The following CATSPERE variants were observed in gnomAD, a reference collection of about 807,000 sequenced individuals.
CATSPERE encodes the protein catsper channel auxiliary subunit epsilon, also known as cation channel sperm-associated auxiliary subunit epsilon.
A neutral mutation model predicts 114.1 loss-of-function variants in CATSPERE; 93 were observed. The observed-to-expected ratio is 0.81, with a 90% CI of 0.69 to 0.97. CATSPERE has a LOEUF of 0.97. Among genes scored for constraint, CATSPERE ranks in the 50% least tolerant of loss-of-function variants. The probability of loss-of-function intolerance (pLI) is 0.00; values close to 1 mark genes in which losing one functional copy is unlikely to be tolerated. For synonymous variants in CATSPERE, 341 were observed against 384.1 expected (o/e 0.89, Z 1.31); for missense variants, 1,058 against 1,131.6 (o/e 0.93, Z 0.93).
At chr1:244,596,305 T>G (rs955640799) in intron 17 of CATSPERE, among the ~76,000 whole-genome samples, 3 of 152,150 alleles carry the variant, frequency 2.0e-5, no homozygotes, top group African/African-American at 7.2e-5. Context: ...TATTTATGAG[T>G]AGGTATAAAT....
chr1:244,605,529 A>C (rs547262854), intron 17 of CATSPERE, among the ~76,000 whole-genome samples, 166 bp from the exon 18 acceptor site: 1 of 152,330 alleles, frequency 6.6e-6, no homozygotes, highest in South Asian at 2.1e-4. Context: ...ACAGAAAAAA[A>C]AATCAAGGCT....
At chr1:244,475,657 C>G (rs1443602313) in intron 2 of CATSPERE, among the ~76,000 whole-genome samples, 1 of 151,838 alleles carries the variant, frequency 6.6e-6, no homozygotes, top group Non-Finnish European at 1.5e-5. Context: ...CTGCCTCAGC[C>G]TCCTGAGTAG....
At chr1:244,610,999 A>C (rs1670655373) in intron 19 of CATSPERE, among the ~76,000 whole-genome samples, 1 of 152,072 alleles carries the variant, frequency 6.6e-6, no homozygotes, top group African/African-American at 2.4e-5. Flanking sequence ...ACCTCAAGTG[A>C]TCCACCTGCC....
At position 244,575,993 on chromosome 1, in the gene CATSPERE, G is replaced by A. The variant is rs1665195180; in HGVS notation, c.1950+3221G>A. Among the ~76,000 whole-genome samples the A allele has an allele frequency of 6.6e-6, 1 of 151,980 alleles. No homozygotes were observed. Among genetic ancestry groups the A allele is most frequent in the South Asian group, 2.1e-4 (1 of 4,806 alleles). On this transcript the variant is annotated intron_variant, in intron 11 of 21. Transcript: ENST00000366534. The surrounding 1 kb of genome is among the most constrained non-coding windows in gnomAD (Gnocchi z 4.5). ...AGGAATGCTCTACTGCCTCTGCGGT[G>A]TCTGTTTCCTTGGTATATCCTGTCC...
intron 5 of CATSPERE, among the ~76,000 whole-genome samples, chr1:244,481,697 G>GTCA (rs1438780317): frequency 1.3e-5 from 2 of 152,162 alleles, no homozygotes; most frequent in Non-Finnish European, 2.9e-5. Context: ...CCTTTGGGAA[G>GTCA]TGGTTAGGTC....
chr1:244,461,539 C>A, intron 1 of CATSPERE, 45 bp downstream of exon 1: 1 of 1,261,722 alleles, frequency 7.9e-7, no homozygotes. Context: ...CGGGGATTAC[C>A]CCCGGCGGGG....
rs1666713017 is a variant in CATSPERE, at chr1:244,584,390, G to A, written c.2085+451G>A. ...AAGGAAGTTTACTGAGACTGGGAGG[G>A]GAAAGGTGAAAAGAAAGGGATACAC... On this transcript the variant is annotated intron_variant, in intron 13 of 21. Coordinates refer to ENST00000366534, the MANE Select transcript of CATSPERE (RefSeq NM_001130957.2). Among the ~76,000 whole-genome samples, 2 of 152,048 alleles carry A rather than the reference G, an allele frequency of 1.3e-5. 1 individual carries two copies. The highest frequency in any genetic ancestry group is 4.1e-4 in the South Asian group (2 of 4,822).
intron 6 of CATSPERE, among the ~76,000 whole-genome samples, chr1:244,494,341 C>G (rs1672738593): frequency 6.6e-6 from 1 of 150,880 alleles, no homozygotes; most frequent in African/African-American, 2.4e-5. Flanking sequence ...TCTCAGCAAA[C>G]TATCACAAGG....
Position 244,583,469 on chromosome 1 carries a change from G to A in CATSPERE, c.2010-395G>A, listed in dbSNP as rs920056014. Among the ~76,000 whole-genome samples, 6 of 152,098 alleles carry A rather than the reference G, an allele frequency of 3.9e-5. 1 individual carries two copies. In the East Asian group the frequency reaches 7.7e-4, roughly 20 times the overall value. On this transcript the variant is annotated intron_variant, in intron 12 of 21. Coordinates refer to ENST00000366534, the MANE Select transcript of CATSPERE (RefSeq NM_001130957.2). ...GGTGCTATCAATACGAGGGGAAAAC[G>A]GGTAGGAGCCAGAGGAGGAACCCAC...
chr1:244,570,877 A>G lies in CATSPERE; in HGVS notation c.1508-1453A>G, dbSNP rs142582956. On this transcript the variant is annotated intron_variant, in intron 10 of 21. Transcript: ENST00000366534. ...AGCTGAGAATACAGCATGTGCAAAG[A>G]TGTGGAGGTAGGAAAGAACATGGCA... is the stretch of plus-strand genomic sequence containing the variant. 1.8e-3 allele frequency among the ~76,000 whole-genome samples: 267 copies of G among 152,288 alleles called. 1 individual carries two copies. The highest frequency in any genetic ancestry group is 5.9e-3 in the African/African-American group (245 of 41,572).
chr1:244,629,453 C>T (rs186592222), intron 20 of CATSPERE, among the ~76,000 whole-genome samples: 2 of 150,716 alleles, frequency 1.3e-5, no homozygotes, highest in Admixed American at 1.3e-4. Flanking sequence ...GTCTTTTACT[C>T]TCAACAGTAT....
chr1:244,451,819 G>A (rs1011110900), upstream of CATSPERE: 1 of 1,581,016 alleles, frequency 6.3e-7, no homozygotes, highest in Non-Finnish European at 8.6e-7. This position sits in a 1 kb window ranked among gnomAD's most constrained non-coding sequence, Gnocchi z 6.6. Context: ...GAACGCCATG[G>A]CTCCAGTGAC....
chr1:244,510,874 G>A (rs1388568713), intron 7 of CATSPERE, among the ~76,000 whole-genome samples: 6 of 41,790 alleles, frequency 1.4e-4, no homozygotes, highest in African/African-American at 2.6e-4. Context: ...ACAGAATTTC[G>A]TTCTTGTTGC....
At chr1:244,503,426 A>G (rs188059000) in intron 7 of CATSPERE, among the ~76,000 whole-genome samples, 1 of 152,104 alleles carries the variant, frequency 6.6e-6, no homozygotes, top group African/African-American at 2.4e-5. Flanking sequence ...ACATGTTCTT[A>G]TTCTATCTCC....
At chr1:244,579,990 C>T (rs1267520527) in intron 11 of CATSPERE, among the ~76,000 whole-genome samples, 1 of 152,108 alleles carries the variant, frequency 6.6e-6, no homozygotes, top group Non-Finnish European at 1.5e-5. Flanking sequence ...CAAACACTAC[C>T]ACTACTCCTA....
intron 20 of CATSPERE, among the ~76,000 whole-genome samples, chr1:244,626,064 A>T (rs934326373): frequency 6.6e-6 from 1 of 152,142 alleles, no homozygotes; most frequent in Non-Finnish European, 1.5e-5. Flanking sequence ...GGGCCCTAGA[A>T]TTTTTGGAAT....
chr1:244,479,779 A>G lies in CATSPERE; in HGVS notation c.321A>G (p.Arg107=), dbSNP rs373747776. The G allele has an allele frequency of 6.4e-7, 1 of 1,571,418 alleles. No homozygotes were observed. Among genetic ancestry groups the G allele is most frequent in the Non-Finnish European group, 8.7e-7 (1 of 1,147,790 alleles). ...SSHTCFLWYY[R]VRHFFNNFTQ... ...ATACTTGCTTTCTGTGGTACTATAG[A>G]GTTAGGTAAGTAATGCAGTACTGAA... Residue 107 remains arginine, a synonymous_variant, in exon 5 of 22, where the codon AGA becomes AGG. Coordinates refer to ENST00000366534, the MANE Select transcript of CATSPERE (RefSeq NM_001130957.2).
chr1:244,528,956 C>T (rs1253069369), intron 8 of CATSPERE, among the ~76,000 whole-genome samples: 2 of 152,122 alleles, frequency 1.3e-5, no homozygotes, highest in Non-Finnish European at 2.9e-5. Flanking sequence ...TGGCTTATTT[C>T]ACTTAGCATA....
chr1:244,520,347 C>A (rs1315699143), intron 8 of CATSPERE, among the ~76,000 whole-genome samples: 1 of 152,034 alleles, frequency 6.6e-6, no homozygotes, highest in African/African-American at 2.4e-5. Context: ...GGATTCTTTT[C>A]TTTCTGGAGA....
Sources: gnomAD v4.1 joint callset for allele counts (sites outside exome capture counted in the v4.1 genomes callset) on GRCh38, gnomAD v4.1.1 for gene constraint, Gnocchi (gnomAD v3.1) non-coding constraint, MANE v1.5 for transcripts, NCBI Gene and HGNC (gene_info 2026-07-23, HGNC 2026-07-21) for gene names.